BLK: variants seen among roughly 807,000 people sequenced by gnomAD.
BLK encodes tyrosine-protein kinase Blk.
A neutral mutation model predicts 61.8 loss-of-function variants in BLK; 64 were observed. That is an observed-to-expected ratio of 1.03 (90% CI 0.85 to 1.27). The LOEUF (loss-of-function observed/expected upper bound fraction) is 1.27. BLK is among the 50% of genes most tolerant of loss of function. The pLI, the probability that BLK is intolerant of heterozygous loss-of-function variation, is 0.00. For synonymous variants in BLK, 351 were observed against 272.0 expected (o/e 1.29, Z -2.86); for missense variants, 853 against 660.5 (o/e 1.29, Z -3.19).
chr8:11,510,919 T>A (rs1016044487), intron 1 of BLK, among the ~76,000 whole-genome samples: 1 of 152,244 alleles, frequency 6.6e-6, no homozygotes, highest in Non-Finnish European at 1.5e-5. Flanking sequence ...TCTGCCTTGA[T>A]TATGGCCGTC....
At chr8:11,543,667 G>T (rs575780858) in intron 2 of BLK, among the ~76,000 whole-genome samples, 14 of 152,318 alleles carry the variant, frequency 9.2e-5, no homozygotes, top group Admixed American at 7.8e-4. Context: ...CTCCCCAGCA[G>T]CTCCTGGAGA....
chr8:11,521,487 C>T (rs1207039024), intron 1 of BLK, among the ~76,000 whole-genome samples: 1 of 152,154 alleles, frequency 6.6e-6, no homozygotes, highest in East Asian at 1.9e-4. Flanking sequence ...GGTGAGGTCC[C>T]ACTCTGTTGC....
chr8:11,547,897 G>A, intron 3 of BLK, 135 bp from the exon 4 acceptor site: 1 of 783,878 alleles, frequency 1.3e-6, no homozygotes, highest in African/African-American at 1.7e-5. Context: ...GGGGGTGGGG[G>A]CCTGTGCTGG....
intron 1 of BLK, among the ~76,000 whole-genome samples, chr8:11,505,282 C>A (rs375016007): frequency 1.3e-5 from 2 of 152,300 alleles, no homozygotes; most frequent in Middle Eastern, 3.4e-3. Context: ...AAAGTTCTTT[C>A]TATTCTTTCT....
At position 11,554,731 on chromosome 8, in the gene BLK, T is replaced by C. The variant is rs763901961; in HGVS notation, c.473-12T>C. On this transcript the variant is annotated splice_polypyrimidine_tract_variant and intron_variant, in intron 6 of 12. Coordinates refer to ENST00000259089, the MANE Select transcript of BLK (RefSeq NM_001715.3). ...GCCTTACTTCTCGTGTGTGTCTTCA[T>C]GAACCCTCCAGGTGCCTTCTCCCTG... is the stretch of plus-strand genomic sequence containing the variant. 1.1e-5 allele frequency: 18 copies of C among 1,612,796 alleles called. No homozygotes were observed. Among genetic ancestry groups the C allele is most frequent in the East Asian group, 2.2e-5 (1 of 44,898 alleles).
At chr8:11,528,161 C>G (rs944391741) in intron 1 of BLK, among the ~76,000 whole-genome samples, 4 of 152,116 alleles carry the variant, frequency 2.6e-5, no homozygotes, top group African/African-American at 7.2e-5. Flanking sequence ...CTCAGCCTCC[C>G]AAGTCATTGG....
intron 9 of BLK, among the ~76,000 whole-genome samples, chr8:11,557,290 C>T (rs893137376): frequency 5.3e-5 from 8 of 152,196 alleles, no homozygotes; most frequent in African/African-American, 9.7e-5. Context: ...AGGTCCACGG[C>T]GTGGCCAAGT....
intron 1 of BLK, among the ~76,000 whole-genome samples, chr8:11,538,222 C>A (rs1800219076): frequency 6.6e-6 from 1 of 152,136 alleles, no homozygotes; most frequent in African/African-American, 2.4e-5. Context: ...AGACTCACAC[C>A]CTTCCCACAA....
rs182368810 is a variant in BLK at position 11,546,324 on chromosome 8, C to T, written c.175+221C>T. Among the ~76,000 whole-genome samples the T allele has an allele frequency of 1.6e-3, 251 of 152,288 alleles. 5 individuals carry two copies. Among genetic ancestry groups the T allele is most frequent in the Admixed American group, 0.015 (226 of 15,288 alleles). On this transcript the variant is annotated intron_variant, in intron 3 of 12. Coordinates refer to ENST00000259089, the MANE Select transcript of BLK (RefSeq NM_001715.3). Reference sequence around the variant, plus strand: ...CTGAGCCTGGGTGGGACTTTTAAAACATGAAAGACTTTACAAACTGTAAAC... The same window carrying T: ...CTGAGCCTGGGTGGGACTTTTAAAATATGAAAGACTTTACAAACTGTAAAC...
At chr8:11,556,541 C>CA in intron 8 of BLK, 117 bp from the exon 9 acceptor site, 1 of 1,280,068 alleles carries the variant, frequency 7.8e-7, no homozygotes. Flanking sequence ...CTGCATGTTC[C>CA]AGCTCTGGCA....
intron 1 of BLK, among the ~76,000 whole-genome samples, chr8:11,526,521 C>G (rs1291405472): frequency 1.3e-5 from 2 of 152,150 alleles, no homozygotes; most frequent in Non-Finnish European, 2.9e-5. Context: ...GAGTTTGAGA[C>G]CAGCCTGGGC....
At chr8:11,500,882 G>A (rs1798532913) in intron 1 of BLK, among the ~76,000 whole-genome samples, 1 of 152,052 alleles carries the variant, frequency 6.6e-6, no homozygotes, top group Non-Finnish European at 1.5e-5. Context: ...CATTTCTGTG[G>A]TGCAATTGGA....
At chr8:11,522,369 G>A (rs1203863719) in intron 1 of BLK, among the ~76,000 whole-genome samples, 1 of 152,156 alleles carries the variant, frequency 6.6e-6, no homozygotes, top group African/African-American at 2.4e-5. Flanking sequence ...ACGAGTTTTG[G>A]TGAGAATATG....
chr8:11,522,400 G>A (rs961601859), intron 1 of BLK, among the ~76,000 whole-genome samples: 1 of 152,120 alleles, frequency 6.6e-6, no homozygotes, highest in Non-Finnish European at 1.5e-5. Context: ...AAACTCTCAG[G>A]TATTGCTGGT....
chr8:11,516,765 C>T (rs969068573), intron 1 of BLK, among the ~76,000 whole-genome samples: 1 of 152,190 alleles, frequency 6.6e-6, no homozygotes. Context: ...CCAGAATTTC[C>T]TTCCTTTGTA....
intron 1 of BLK, among the ~76,000 whole-genome samples, chr8:11,518,508 C>T (rs1222105340): frequency 2.0e-5 from 3 of 152,084 alleles, no homozygotes; most frequent in East Asian, 1.9e-4. Flanking sequence ...GTCACTGTCA[C>T]GCTGTTGCTG....
intron 1 of BLK, among the ~76,000 whole-genome samples, chr8:11,499,280 TA>T (rs1014804478): frequency 1.3e-5 from 2 of 152,324 alleles, no homozygotes; most frequent in East Asian, 3.9e-4. Flanking sequence ...CCACAGAGCC[TA>T]GGGGTGGAGT....
At chr8:11,562,928 G>A in intron 11 of BLK, 51 bp from the exon 12 acceptor site, 1 of 1,612,296 alleles carries the variant, frequency 6.2e-7, no homozygotes, top group Non-Finnish European at 8.5e-7. Context: ...AGGATGGAGG[G>A]TAGGGGCCAC....
chr8:11,520,476 C>CAAA (rs71203393), intron 1 of BLK, among the ~76,000 whole-genome samples: 4 of 69,680 alleles, frequency 5.7e-5, no homozygotes, highest in Non-Finnish European at 1.1e-4. Context: ...GACCTTGTCT[C>CAAA]AAAAAAAAAA....
Sources: gnomAD v4.1 joint callset for allele counts (sites outside exome capture counted in the v4.1 genomes callset) on GRCh38, gnomAD v4.1.1 for gene constraint, MANE v1.5 for transcripts, NCBI Gene and HGNC (gene_info 2026-07-23, HGNC 2026-07-21) for gene names.